The following FAIM variants were observed in gnomAD, a reference collection of about 807,000 sequenced individuals.
The protein encoded by FAIM is Fas apoptotic inhibitory molecule.
In FAIM, 14 loss-of-function variants were observed where a neutral mutation model predicts 21.2. That is an observed-to-expected ratio of 0.66 (90% CI 0.44 to 1.03). The LOEUF (loss-of-function observed/expected upper bound fraction) is 1.03, where lower values mean the gene tolerates loss of function less well. Ranked by LOEUF, FAIM falls within the 50% of genes least tolerant of loss-of-function variation. FAIM has a pLI of 0.00. For synonymous variants in FAIM, 86 were observed against 80.4 expected (o/e 1.07, Z -0.37); for missense variants, 222 against 247.1 (o/e 0.90, Z 0.68).
chr3:138,627,844 C>T (rs2042956092), intron 4 of FAIM, among the ~76,000 whole-genome samples: 1 of 152,154 alleles, frequency 6.6e-6, no homozygotes, highest in Admixed American at 6.5e-5. Context: ...GCTCCCATCT[C>T]AAGGTATGGG....
intron 2 of FAIM, among the ~76,000 whole-genome samples, chr3:138,621,046 A>G (rs962638788): frequency 3.3e-5 from 5 of 152,178 alleles, no homozygotes; most frequent in Admixed American, 6.5e-5. Flanking sequence ...TGGTTTTTAC[A>G]TGGGAGCTGG....
chr3:138,628,008 C>G (rs1195531293), intron 4 of FAIM, among the ~76,000 whole-genome samples: 2 of 152,116 alleles, frequency 1.3e-5, no homozygotes, highest in African/African-American at 4.8e-5. Flanking sequence ...AGCTCAACTT[C>G]TGGCTTCTTG....
At chr3:138,624,637 A>C (rs2042921907) in intron 4 of FAIM, among the ~76,000 whole-genome samples, 1 of 152,200 alleles carries the variant, frequency 6.6e-6, no homozygotes, top group Non-Finnish European at 1.5e-5. Context: ...AGATCCATCA[A>C]ACTTTGGACT....
chr3:138,633,001 CAGT>C lies in FAIM; in HGVS notation c.532_534del (p.Ser178del), dbSNP rs2043022803. On this transcript the variant is annotated inframe_deletion, in exon 6 of 6. Coordinates refer to ENST00000360570, the MANE Select transcript of FAIM (RefSeq NM_001033031.2). ...ACCATGACTGTTACATAAAGGCTGT[CAGT>C]AGTGGGAAGCGGAAAGAAGGGATTA... 1.2e-6 allele frequency: 2 copies of C among 1,613,688 alleles called. No homozygotes were observed. The highest frequency in any genetic ancestry group is 1.7e-6 in the Non-Finnish European group (2 of 1,179,824).
chr3:138,619,624 C>A, intron 1 of FAIM, 87 bp from the exon 2 acceptor site: 1 of 1,185,978 alleles, frequency 8.4e-7, no homozygotes. Flanking sequence ...ATTAGAAAAA[C>A]CCTTTGTAGA....
At chr3:138,617,904 ATATAC>A (rs1182808306) in intron 1 of FAIM, among the ~76,000 whole-genome samples, 3 of 146,874 alleles carry the variant, frequency 2.0e-5, no homozygotes, top group South Asian at 2.1e-4. Flanking sequence ...TAGATACTAT[ATATAC>A]TATATTATAT....
At chr3:138,617,006 T>C (rs938671938) in intron 1 of FAIM, among the ~76,000 whole-genome samples, 5 of 152,176 alleles carry the variant, frequency 3.3e-5, no homozygotes, top group Admixed American at 6.5e-5. Flanking sequence ...AAAATTGCTA[T>C]TTTTTAAGTA....
chr3:138,626,795 G>T (rs1475633574), intron 4 of FAIM, among the ~76,000 whole-genome samples: 1 of 152,100 alleles, frequency 6.6e-6, no homozygotes, highest in Non-Finnish European at 1.5e-5. Flanking sequence ...GCCTTCCATG[G>T]TACTTTTACC....
rs888513355 is a variant in FAIM at position 138,616,541 on chromosome 3, AT to A, written c.-16-3162del. Reference sequence around the variant, plus strand: ...AGGCACGTGCCACCACACCCAGCTAATTTTTTTTGGTGTTACTCTGTTGACC... The same window carrying A: ...AGGCACGTGCCACCACACCCAGCTAATTTTTTTGGTGTTACTCTGTTGACC... On this transcript the variant is annotated intron_variant, in intron 1 of 5. Coordinates refer to ENST00000360570, the MANE Select transcript of FAIM (RefSeq NM_001033031.2). 3.7e-4 allele frequency among the ~76,000 whole-genome samples: 56 copies of A among 151,618 alleles called. No homozygotes were observed. In the Middle Eastern group the frequency reaches 0.014, roughly 37 times the overall value.
chr3:138,631,251 A>T (rs1005613577), intron 5 of FAIM: 2 of 151,456 alleles, frequency 1.3e-5, no homozygotes, highest in African/African-American at 4.9e-5. Flanking sequence ...CTATCTCTAT[A>T]AATTTTTTTT....
At chr3:138,620,164 C>T (rs544633632) in intron 2 of FAIM, among the ~76,000 whole-genome samples, 2 of 152,314 alleles carry the variant, frequency 1.3e-5, no homozygotes, top group East Asian at 3.9e-4. Context: ...CCTACCTCTG[C>T]CACTTAATGT....
chr3:138,610,971 T>G, intron 1 of FAIM: 1 of 1,613,664 alleles, frequency 6.2e-7, no homozygotes, highest in Non-Finnish European at 8.5e-7. Flanking sequence ...CTGCTTCCCT[T>G]TATAAGGACA....
intron 4 of FAIM, among the ~76,000 whole-genome samples, chr3:138,627,352 T>G (rs2042950243): frequency 6.6e-6 from 1 of 152,024 alleles, no homozygotes; most frequent in African/African-American, 2.4e-5. Context: ...CAGCTAATTT[T>G]TTGTATTTTT....
chr3:138,624,292 T>C (rs1012761706), intron 4 of FAIM, among the ~76,000 whole-genome samples: 2 of 152,220 alleles, frequency 1.3e-5, no homozygotes, highest in African/African-American at 4.8e-5. Flanking sequence ...TGCCAACTTG[T>C]AATACAATTG....
chr3:138,618,525 G>A (rs996773307), intron 1 of FAIM, among the ~76,000 whole-genome samples: 10 of 152,144 alleles, frequency 6.6e-5, no homozygotes, highest in East Asian at 1.9e-4. Flanking sequence ...AAAATTAGCC[G>A]GATGTGGTGG....
intron 1 of FAIM, among the ~76,000 whole-genome samples, chr3:138,611,525 A>G (rs554021610): frequency 6.6e-6 from 1 of 152,288 alleles, no homozygotes; most frequent in African/African-American, 2.4e-5. Context: ...AAACACAGTA[A>G]CCATTAAGCA....
In FAIM at chr3:138,616,430, G is replaced by C. The variant is rs374790250; in HGVS notation, c.-16-3281G>C. ...GGGTCTTGCTCTGTTGGCCAGGTTA[G>C]AGTGCAGTGGCATGGTCATGGCTCA... On this transcript the variant is annotated intron_variant, in intron 1 of 5. Coordinates refer to ENST00000360570, the MANE Select transcript of FAIM (RefSeq NM_001033031.2). 5.0e-4 allele frequency among the ~76,000 whole-genome samples: 76 copies of C among 152,280 alleles called. 3 individuals carry two copies. In the South Asian group the frequency reaches 0.015, roughly 30 times the overall value.
At chr3:138,611,076 A>G (rs767213910) in intron 1 of FAIM, 5 of 1,401,952 alleles carry the variant, frequency 3.6e-6, no homozygotes, top group South Asian at 1.2e-5. Context: ...TAAGTACCCA[A>G]TAACTATTGG....
intron 5 of FAIM, 103 bp downstream of exon 5, chr3:138,629,259 T>TC (rs1171909544): frequency 1.0e-6 from 1 of 969,048 alleles, no homozygotes; most frequent in East Asian, 2.5e-5. Flanking sequence ...ATCAAGGCCC[T>TC]CTTGATAAAA....
Sources: allele counts gnomAD v4.1 joint callset (sites outside exome capture counted in the v4.1 genomes callset), GRCh38; gene constraint gnomAD v4.1.1; transcripts MANE v1.5; gene names NCBI Gene and HGNC (gene_info 2026-07-23, HGNC 2026-07-21).